Variants in MARK3 observed in about 807,000 individuals in gnomAD.
MARK3 encodes the protein microtubule affinity regulating kinase 3, also known as MAP/microtubule affinity-regulating kinase 3.
Under a neutral mutation model 90.1 loss-of-function variants are expected in MARK3, and 46 were observed. The ratio of observed to expected loss-of-function variants is 0.51; its 90% CI spans 0.40 to 0.65. The LOEUF is 0.65. Ranked by LOEUF, MARK3 falls within the 30% of genes least tolerant of loss-of-function variation. The pLI is 0.00. For missense variants in MARK3, 818 were observed against 947.2 expected (o/e 0.86, Z 1.79); for synonymous variants, 321 against 332.6 (o/e 0.97, Z 0.38).
At chr14:103,427,497 C>CAAAAAAAAAAAAAAAAAA (rs71126021) in intron 2 of MARK3, among the ~76,000 whole-genome samples, 32 of 110,808 alleles carry the variant, frequency 2.9e-4, no homozygotes, top group African/African-American at 6.9e-4. Flanking sequence ...GAGACTGTTT[C>CAAAAAAAAAAAAAAAAAA]AAAAAAAAAA....
chr14:103,412,465 C>A (rs940689632), intron 2 of MARK3: 2 of 534,750 alleles, frequency 3.7e-6, no homozygotes, highest in Non-Finnish European at 3.4e-6. Context: ...TCTTGGCCAG[C>A]TTCTTGACCA....
chr14:103,409,966 A>G (rs2091536272), intron 2 of MARK3, among the ~76,000 whole-genome samples: 2 of 152,186 alleles, frequency 1.3e-5, no homozygotes, highest in African/African-American at 4.8e-5. Context: ...GTGAAAGTGG[A>G]TGACTATTTG....
intron 13 of MARK3, 70 bp downstream of exon 13, chr14:103,475,280 AT>A: frequency 7.7e-7 from 1 of 1,306,488 alleles, no homozygotes. Context: ...CCAGGTGTTC[AT>A]TTTACTCCTG....
At chr14:103,437,500 A>T (rs967384687) in intron 3 of MARK3, among the ~76,000 whole-genome samples, 1 of 151,980 alleles carries the variant, frequency 6.6e-6, no homozygotes, top group African/African-American at 2.4e-5. Context: ...CTGGTCTCAG[A>T]CTCCTGGGTT....
At position 103,438,819 on chromosome 14, in the gene MARK3, C is replaced by T. The variant is rs1251649345; in HGVS notation, c.298-10100C>T. On this transcript the variant is annotated intron_variant, in intron 3 of 17. Transcript: ENST00000429436. Reference sequence around the variant, plus strand: ...ACCAGCCTGGGCAACATGGCAAAACCCTGTCTCTACATACAGAAATTAGCC... The same window carrying T: ...ACCAGCCTGGGCAACATGGCAAAACTCTGTCTCTACATACAGAAATTAGCC... Among the ~76,000 whole-genome samples the T allele has an allele frequency of 4.6e-5, 7 of 152,092 alleles. No individual in the cohort carries two copies. In the South Asian group the frequency reaches 1.5e-3, roughly 32 times the overall value.
chr14:103,483,507 G>C (rs1037047042), intron 14 of MARK3, among the ~76,000 whole-genome samples: 1 of 152,134 alleles, frequency 6.6e-6, no homozygotes, highest in African/African-American at 2.4e-5. Flanking sequence ...TCTCGTCATA[G>C]GCAATATAAT....
chr14:103,415,945 TC>T (rs1416355051), intron 2 of MARK3, among the ~76,000 whole-genome samples: 1 of 152,222 alleles, frequency 6.6e-6, no homozygotes, highest in Non-Finnish European at 1.5e-5. Flanking sequence ...GACTTCCACT[TC>T]CCACTTCCAT....
At chr14:103,388,945 G>A (rs1028484110) in intron 1 of MARK3, among the ~76,000 whole-genome samples, 11 of 152,058 alleles carry the variant, frequency 7.2e-5, no homozygotes, top group Non-Finnish European at 1.6e-4. Context: ...TGGCTATTGT[G>A]ACTAGAACAG....
intron 14 of MARK3, chr14:103,489,864 A>G (rs1398770530): frequency 1.3e-5 from 2 of 152,200 alleles, no homozygotes; most frequent in Non-Finnish European, 2.9e-5. Flanking sequence ...TGTGTGTTAG[A>G]TGAAACTGCA....
At chr14:103,429,096 T>C (rs537384113) in intron 3 of MARK3, 24 of 152,368 alleles carry the variant, frequency 1.6e-4, no homozygotes, top group African/African-American at 5.8e-4. Context: ...ATTTCAGTGG[T>C]AGGACATCAG....
intron 3 of MARK3, among the ~76,000 whole-genome samples, chr14:103,439,909 A>G (rs928604686): frequency 6.7e-6 from 1 of 149,212 alleles, no homozygotes; most frequent in African/African-American, 2.5e-5. Context: ...CTCAGCTTCC[A>G]AAGTATCTGG....
rs1329837557 is a variant in MARK3 at position 103,457,115 on chromosome 14, A to C, written c.413-27A>C. ...ATTAATACTCAGAAGTAGGATTTCT[A>C]CTTACTTTTATTTCTCTCACCTATA... is the stretch of plus-strand genomic sequence containing the variant. On this transcript the variant is annotated intron_variant, in intron 5 of 17. Transcript: ENST00000429436. The C allele has an allele frequency of 2.8e-6, 4 of 1,404,548 alleles. No homozygotes were observed. In the South Asian group the frequency reaches 3.6e-5, roughly 13 times the overall value. 87.0% of individuals were successfully genotyped at this position (1,404,548 alleles called of 1,614,324 possible). A position where few individuals can be genotyped will look rare whatever the true frequency, so the allele number is the denominator to read the frequency against.
chr14:103,437,070 G>A (rs1266186757), intron 3 of MARK3, among the ~76,000 whole-genome samples: 1 of 150,122 alleles, frequency 6.7e-6, no homozygotes, highest in Non-Finnish European at 1.5e-5. Flanking sequence ...TCCAGCCTGG[G>A]CAACAAATGA....
At chr14:103,444,868 T>C (rs2092954836) in intron 3 of MARK3, among the ~76,000 whole-genome samples, 1 of 152,228 alleles carries the variant, frequency 6.6e-6, no homozygotes, top group South Asian at 2.1e-4. Flanking sequence ...ATAGTCCTTA[T>C]AGGGACTTTC....
intron 4 of MARK3, among the ~76,000 whole-genome samples, chr14:103,451,294 G>T (rs939810099): frequency 1.3e-5 from 2 of 152,014 alleles, no homozygotes; most frequent in African/African-American, 4.8e-5. Flanking sequence ...ATTTCCATCT[G>T]TAACAAAAGA....
chr14:103,486,176 C>T (rs1373961287), intron 14 of MARK3, among the ~76,000 whole-genome samples: 1 of 151,960 alleles, frequency 6.6e-6, no homozygotes, highest in Non-Finnish European at 1.5e-5. Context: ...CAGTGCCTCA[C>T]ACCTATAATC....
chr14:103,491,421 A>ATATCCTT (rs1160681111), intron 14 of MARK3: 2 of 225,784 alleles, frequency 8.9e-6, no homozygotes, highest in African/African-American at 4.6e-5. Context: ...TTACGCCAGC[A>ATATCCTT]TATCCTTTAT....
At position 103,440,505 on chromosome 14, in the gene MARK3, CAGG is replaced by C. The variant is rs548881879; in HGVS notation, c.298-8411_298-8409del. 2.3e-3 allele frequency among the ~76,000 whole-genome samples: 347 copies of C among 152,296 alleles called. 1 individual carries two copies. Among genetic ancestry groups the C allele is most frequent in the Non-Finnish European group, 3.4e-3 (231 of 68,010 alleles). On this transcript the variant is annotated intron_variant, in intron 3 of 17. Transcript: ENST00000429436. ...TGATTTTTTAAAATTTGTGCCATCACAGGAGAATTGCTTGAACCCGGGAGGTGG... is the reference window on the plus strand; with the variant it reads ...TGATTTTTTAAAATTTGTGCCATCACAGAATTGCTTGAACCCGGGAGGTGG...
intron 15 of MARK3, among the ~76,000 whole-genome samples, chr14:103,497,448 TAAA>T (rs1210401865): frequency 6.6e-6 from 1 of 152,232 alleles, no homozygotes; most frequent in Non-Finnish European, 1.5e-5. Flanking sequence ...GCATTGATCA[TAAA>T]AACCTCATTC....
Sources: allele counts gnomAD v4.1 joint callset (sites outside exome capture counted in the v4.1 genomes callset), GRCh38; gene constraint gnomAD v4.1.1; transcripts MANE v1.5; gene names NCBI Gene and HGNC (gene_info 2026-07-23, HGNC 2026-07-21).